The following CTNND2 variants were observed in gnomAD, a reference collection of about 807,000 sequenced individuals.
CTNND2 encodes catenin delta-2.
CTNND2 carries 22 observed loss-of-function variants against 144.4 expected under a neutral mutation model. The ratio of observed to expected loss-of-function variants is 0.15; its 90% CI spans 0.11 to 0.22. The LOEUF (loss-of-function observed/expected upper bound fraction) is 0.22, where lower values mean the gene tolerates loss of function less well. Ranked by LOEUF, CTNND2 falls within the 10% of genes least tolerant of loss-of-function variation. CTNND2 has a pLI of 1.00. For missense variants in CTNND2, 1,353 were observed against 1,618.8 expected (o/e 0.84, Z 2.82); for synonymous variants, 751 against 695.6 (o/e 1.08, Z -1.25).
At chr5:11,556,210 G>A (rs1057376499) in intron 3 of CTNND2, among the ~76,000 whole-genome samples, 9 of 151,896 alleles carry the variant, frequency 5.9e-5, no homozygotes, top group African/African-American at 1.2e-4. Flanking sequence ...ATGTGTACTC[G>A]CTGTGGTAAG....
intron 1 of CTNND2, among the ~76,000 whole-genome samples, chr5:11,743,341 A>G (rs971872414): frequency 5.9e-5 from 9 of 152,162 alleles, no homozygotes; most frequent in South Asian, 2.1e-4. Flanking sequence ...TCAACTCAAG[A>G]TAGCTGCTTT....
At chr5:11,667,651 G>A (rs1170104343) in intron 2 of CTNND2, among the ~76,000 whole-genome samples, 4 of 152,154 alleles carry the variant, frequency 2.6e-5, no homozygotes, top group Non-Finnish European at 5.9e-5. Flanking sequence ...GTTCTTTGTA[G>A]ATTCTGAATA....
At chr5:11,433,530 T>A (rs1365059033) in intron 3 of CTNND2, among the ~76,000 whole-genome samples, 1 of 152,136 alleles carries the variant, frequency 6.6e-6, no homozygotes, top group Non-Finnish European at 1.5e-5. Flanking sequence ...ACAGGAAGCA[T>A]GGTGGTGTCT....
At chr5:11,620,031 T>G (rs1203671376) in intron 2 of CTNND2, among the ~76,000 whole-genome samples, 1 of 152,026 alleles carries the variant, frequency 6.6e-6, no homozygotes, top group Non-Finnish European at 1.5e-5. Context: ...AGCATTTTAA[T>G]CGATGATATT....
rs916947161 is a variant in CTNND2, at chr5:10,973,171, G to A, written c.*282C>T. ...CCTCGTCTCTCCTCCCATCAACCACGTTCAGTATAAAGCACTTCTCGTTAC... is the reference window on the plus strand; with the variant it reads ...CCTCGTCTCTCCTCCCATCAACCACATTCAGTATAAAGCACTTCTCGTTAC... On this transcript the variant is annotated 3_prime_UTR_variant, in exon 22 of 22. Coordinates refer to ENST00000304623, the MANE Select transcript of CTNND2 (RefSeq NM_001332.4). This position sits in a 1 kb window ranked among gnomAD's most constrained non-coding sequence, Gnocchi z 5.6. The A allele has an allele frequency of 2.0e-5, 6 of 304,562 alleles. No homozygotes were observed. Among genetic ancestry groups the A allele is most frequent in the East Asian group, 5.8e-5 (1 of 17,372 alleles). 18.9% of individuals were successfully genotyped at this position (304,562 alleles called of 1,614,324 possible).
intron 16 of CTNND2, 58 bp from the exon 17 acceptor site, chr5:11,023,037 T>C: frequency 6.7e-7 from 1 of 1,493,108 alleles, no homozygotes. Flanking sequence ...GCAGAGATAG[T>C]GGCAGAGGTG....
intron 10 of CTNND2, among the ~76,000 whole-genome samples, chr5:11,211,519 C>T (rs1430964468): frequency 1.3e-5 from 2 of 152,128 alleles, no homozygotes; most frequent in Non-Finnish European, 1.5e-5. Context: ...TGGTAAATAT[C>T]AAGTCTGACT....
chr5:11,086,804 G>T (rs1265644359), intron 15 of CTNND2, among the ~76,000 whole-genome samples: 2 of 152,174 alleles, frequency 1.3e-5, no homozygotes, highest in Non-Finnish European at 2.9e-5. Context: ...TTTCCAAAAA[G>T]TTCCCCCTTG....
intron 7 of CTNND2, among the ~76,000 whole-genome samples, chr5:11,371,612 T>A (rs557194201): frequency 1.3e-5 from 2 of 152,298 alleles, no homozygotes; most frequent in South Asian, 4.1e-4. Context: ...TCCTTCCTAA[T>A]CCTATGTTAA....
chr5:11,699,745 C>T (rs1050258494), intron 2 of CTNND2, among the ~76,000 whole-genome samples: 2 of 152,200 alleles, frequency 1.3e-5, no homozygotes, highest in African/African-American at 4.8e-5. Flanking sequence ...CATCCACGGG[C>T]TTCCTTTCAA....
At chr5:11,432,629 T>C (rs555202164) in intron 3 of CTNND2, among the ~76,000 whole-genome samples, 5 of 152,298 alleles carry the variant, frequency 3.3e-5, no homozygotes, top group South Asian at 4.1e-4. Flanking sequence ...TAAACAGTGA[T>C]ATTTGAGAAT....
intron 9 of CTNND2, among the ~76,000 whole-genome samples, chr5:11,276,363 ACTCCTC>A (rs1184007104): frequency 6.6e-6 from 1 of 151,928 alleles, no homozygotes; most frequent in Non-Finnish European, 1.5e-5. Context: ...CAAATCAGCC[ACTCCTC>A]CTTGAAGCAC....
chr5:11,341,573 G>C (rs1254199426), intron 9 of CTNND2, among the ~76,000 whole-genome samples: 1 of 152,200 alleles, frequency 6.6e-6, no homozygotes, highest in African/African-American at 2.4e-5. Context: ...CATCACCTGA[G>C]AGAATTGGAC....
intron 2 of CTNND2, among the ~76,000 whole-genome samples, chr5:11,641,324 A>AT (rs1338102440): frequency 6.6e-6 from 1 of 152,060 alleles, no homozygotes; most frequent in East Asian, 1.9e-4. Context: ...AGAAACATCT[A>AT]TCCCAGGAAC....
intron 3 of CTNND2, among the ~76,000 whole-genome samples, chr5:11,427,492 C>T (rs1264772937): frequency 6.6e-6 from 1 of 152,044 alleles, no homozygotes; most frequent in African/African-American, 2.4e-5. Context: ...GTTGGCTAGA[C>T]TGGTCTCGGA....
chr5:11,142,485 T>C (rs186345963), intron 12 of CTNND2, among the ~76,000 whole-genome samples: 195 of 152,304 alleles, frequency 1.3e-3, no homozygotes, highest in African/African-American at 4.2e-3. Context: ...ACACCAGGAA[T>C]ACTTCCATAC....
chr5:11,192,371 T>C (rs1446262472), intron 11 of CTNND2, among the ~76,000 whole-genome samples: 1 of 152,176 alleles, frequency 6.6e-6, no homozygotes, highest in Non-Finnish European at 1.5e-5. Context: ...GGGAGCAGAA[T>C]AATCATTCTC....
chr5:11,519,934 T>C (rs1341193567), intron 3 of CTNND2, among the ~76,000 whole-genome samples: 2 of 150,650 alleles, frequency 1.3e-5, no homozygotes, highest in Non-Finnish European at 3.0e-5. Context: ...AGGTCAGGAG[T>C]TCGAGACCAG....
intron 8 of CTNND2, among the ~76,000 whole-genome samples, chr5:11,362,905 T>C (rs573986760): frequency 6.6e-6 from 1 of 152,390 alleles, no homozygotes; most frequent in Non-Finnish European, 1.5e-5. Flanking sequence ...CACTCCACTC[T>C]GCCCCTGCAG....
Sources: gnomAD v4.1 joint callset for allele counts (sites outside exome capture counted in the v4.1 genomes callset) on GRCh38, gnomAD v4.1.1 for gene constraint, Gnocchi (gnomAD v3.1) non-coding constraint, MANE v1.5 for transcripts, NCBI Gene and HGNC (gene_info 2026-07-23, HGNC 2026-07-21) for gene names.